Variants in MUCL1 observed in about 807,000 individuals in gnomAD.
MUCL1 encodes mucin like 1, also known as mucin-like protein 1.
In MUCL1, 11 loss-of-function variants were observed where a neutral mutation model predicts 9.2. That is an observed-to-expected ratio of 1.19 (90% CI 0.75 to 1.97). MUCL1 has a LOEUF of 1.97. MUCL1 is among the 30% of genes most tolerant of loss of function. MUCL1 has a pLI of 0.00. For synonymous variants in MUCL1, 48 were observed against 40.5 expected, an observed-to-expected ratio of 1.19 and a Z score of -0.71; for missense variants, 144 against 110.9, an observed-to-expected ratio of 1.30 and a Z score of -1.34.
chr12:54,845,404 A>G lies in MUCL1; in HGVS notation c.43+5957A>G, dbSNP rs1283060352. ...GGGGCAGGTTTTACAGGCAGAGAAT[A>G]ACAATGAGAGAGATAGGAAAATGCA... On this transcript the variant is annotated intron_variant, in intron 1 of 3. Coordinates refer to the MUCL1 transcript ENST00000546809. Among the ~76,000 whole-genome samples the G allele has an allele frequency of 9.9e-5, 15 of 152,276 alleles. 1 individual carries two copies. The South Asian group carries it at 3.1e-3, about 32-fold the overall frequency.
chr12:54,846,561 A>T (rs1294428033), intron 1 of MUCL1, among the ~76,000 whole-genome samples: 1 of 152,174 alleles, frequency 6.6e-6, no homozygotes, highest in Admixed American at 6.5e-5. Flanking sequence ...TAGGGCAATG[A>T]TAGGAAATGA....
upstream of MUCL1, among the ~76,000 whole-genome samples, chr12:54,851,782 CCTT>C (rs1242087954): frequency 6.6e-6 from 1 of 152,092 alleles, no homozygotes; most frequent in Non-Finnish European, 1.5e-5. Context: ...CCCCAAATCT[CCTT>C]AAGCTGATAA....
intron 3 of MUCL1, 61 bp downstream of exon 3, chr12:54,856,953 C>G: frequency 1.2e-6 from 2 of 1,608,748 alleles, no homozygotes; most frequent in Non-Finnish European, 8.5e-7. Flanking sequence ...CTTGGGTTCT[C>G]TATTCTCACA....
intron 1 of MUCL1, among the ~76,000 whole-genome samples, chr12:54,843,545 T>C (rs920336269): frequency 6.6e-6 from 1 of 152,192 alleles, no homozygotes; most frequent in African/African-American, 2.4e-5. Context: ...GAACATATAA[T>C]GAGCAAGTTA....
intron 1 of MUCL1, among the ~76,000 whole-genome samples, chr12:54,839,707 C>T (rs528573850): frequency 1.3e-5 from 2 of 152,234 alleles, no homozygotes; most frequent in African/African-American, 4.8e-5. Context: ...GTGACTACTC[C>T]TTGTGGAAGC....
Position 54,854,581 on chromosome 12 carries a change from C to T in MUCL1, c.-2C>T. On this transcript the variant is annotated 5_prime_UTR_variant, in exon 1 of 4. Coordinates refer to ENST00000308796, the MANE Select transcript of MUCL1 (RefSeq NM_058173.3). ...GTGCTCCCTGATCTTCAGGTCACCA[C>T]CATGAAGTTCTTAGCAGTCCTGGTA... The T allele has an allele frequency of 6.2e-7, 1 of 1,612,564 alleles. No homozygotes were observed. The highest frequency in any genetic ancestry group is 1.1e-5 in the South Asian group (1 of 90,986).
intron 1 of MUCL1, among the ~76,000 whole-genome samples, chr12:54,840,120 T>A (rs1158350688): frequency 6.6e-6 from 1 of 152,130 alleles, no homozygotes; most frequent in African/African-American, 2.4e-5. Context: ...GTAGCCACAC[T>A]CCAGGCTGGT....
At chr12:54,850,749 G>T (rs1420094547), upstream of MUCL1, among the ~76,000 whole-genome samples, 6 of 152,120 alleles carry the variant, frequency 3.9e-5, no homozygotes, top group African/African-American at 7.2e-5. Flanking sequence ...ACTTCCACAA[G>T]GGTTGAACTA....
chr12:54,855,280 G>T, intron 2 of MUCL1, 123 bp downstream of exon 2: 1 of 806,048 alleles, frequency 1.2e-6, no homozygotes, highest in Non-Finnish European at 2.1e-6. Context: ...GCAAAAGTCT[G>T]TGAAAGCTAT....
rs757249683 is a variant in MUCL1, at chr12:54,856,775, C to A, written c.106C>A (p.Pro36Thr). 1 of 1,611,376 alleles carries A rather than the reference C, an allele frequency of 6.2e-7. No individual in the cohort carries two copies. Among genetic ancestry groups the A allele is most frequent in the East Asian group, 2.2e-5 (1 of 44,638 alleles). Reference protein sequence around the residue: ...APADTYPATGPADDEAPDAET... With the variant: ...APADTYPATGTADDEAPDAET... ...GCTTTTCCTTCTAATTTCAGCTGGT[C>A]CTGCTGATGATGAAGCCCCTGATGC... Residue 36 changes from proline (P) to threonine (T), a missense_variant, in exon 3 of 4, where the codon CCT (proline) becomes ACT (threonine). Pro to Thr is a conservative substitution (Grantham distance 38). Coordinates refer to ENST00000308796, the MANE Select transcript of MUCL1 (RefSeq NM_058173.3).
chr12:54,850,276 A>T (rs1201719251), upstream of MUCL1, among the ~76,000 whole-genome samples: 1 of 151,874 alleles, frequency 6.6e-6, no homozygotes, highest in East Asian at 1.9e-4. Context: ...CGTCATTTAC[A>T]TTAGGTATAT....
chr12:54,840,529 C>A (rs150031514), intron 1 of MUCL1, among the ~76,000 whole-genome samples: 1 of 152,106 alleles, frequency 6.6e-6, no homozygotes, highest in Non-Finnish European at 1.5e-5. Flanking sequence ...CCTTATATTA[C>A]CCAAGGGAGG....
chr12:54,836,912 A>G (rs2121481578), upstream of MUCL1, among the ~76,000 whole-genome samples: 1 of 152,236 alleles, frequency 6.6e-6, no homozygotes, highest in South Asian at 2.1e-4. Context: ...TTTGGAGTTT[A>G]TTTTTAGTTT....
intron 1 of MUCL1, among the ~76,000 whole-genome samples, chr12:54,846,855 G>A (rs1332194656): frequency 6.8e-6 from 1 of 147,432 alleles, no homozygotes; most frequent in Non-Finnish European, 1.5e-5. Flanking sequence ...TTAGGTGTAT[G>A]CTGTTTTTCC....
intron 1 of MUCL1, among the ~76,000 whole-genome samples, chr12:54,843,089 T>A (rs1311730103): frequency 1.3e-5 from 2 of 152,328 alleles, no homozygotes; most frequent in African/African-American, 4.8e-5. Context: ...TTATAACATC[T>A]ACGTTTGTGT....
chr12:54,833,353 T>G (rs1290501287), intron 1 of MUCL1, among the ~76,000 whole-genome samples: 2 of 152,100 alleles, frequency 1.3e-5, no homozygotes, highest in South Asian at 2.1e-4. Context: ...TCAATAATAT[T>G]TTCTAGTTTT....
At chr12:54,839,716 G>A (rs921091930) in intron 1 of MUCL1, among the ~76,000 whole-genome samples, 3 of 152,176 alleles carry the variant, frequency 2.0e-5, no homozygotes, top group Non-Finnish European at 2.9e-5. Context: ...CCTTGTGGAA[G>A]CCTGAACCTG....
At chr12:54,845,307 G>A (rs1202897718) in intron 1 of MUCL1, among the ~76,000 whole-genome samples, 2 of 152,132 alleles carry the variant, frequency 1.3e-5, no homozygotes, top group Non-Finnish European at 2.9e-5. Context: ...GAAAAGGAGG[G>A]CCTTTATAGT....
intron 1 of MUCL1, among the ~76,000 whole-genome samples, chr12:54,849,063 G>A (rs530894472): frequency 1.3e-3 from 202 of 152,236 alleles, no homozygotes; most frequent in Non-Finnish European, 2.2e-3. Flanking sequence ...TGAAAGGAAA[G>A]ATACAGATAT....
Sources: gnomAD v4.1 joint callset for allele counts (sites outside exome capture counted in the v4.1 genomes callset) on GRCh38, gnomAD v4.1.1 for gene constraint, MANE v1.5 for transcripts, NCBI Gene and HGNC (gene_info 2026-07-23, HGNC 2026-07-21) for gene names.